The following CYP7B1 variants were observed in gnomAD, a reference collection of about 807,000 sequenced individuals.
The protein encoded by CYP7B1 is cytochrome P450 7B1.
CYP7B1 carries 29 observed loss-of-function variants against 42.7 expected under a neutral mutation model. That is an observed-to-expected ratio of 0.68 (90% CI 0.51 to 0.93). The LOEUF is 0.93. Ranked by LOEUF, CYP7B1 falls within the 40% of genes least tolerant of loss-of-function variation. CYP7B1 has a pLI of 0.00. For missense variants in CYP7B1, 655 were observed against 600.5 expected (o/e 1.09, Z -0.95); for synonymous variants, 235 against 218.2 (o/e 1.08, Z -0.68).
intron 1 of CYP7B1, among the ~76,000 whole-genome samples, chr8:64,717,259 T>G (rs1264921033): frequency 6.6e-6 from 1 of 152,224 alleles, no homozygotes; most frequent in Non-Finnish European, 1.5e-5. Context: ...CATTCTATTT[T>G]TTAACTGCAG....
chr8:64,615,321 A>G (rs1805421541), intron 3 of CYP7B1, 89 bp from the exon 4 acceptor site: 1 of 1,333,066 alleles, frequency 7.5e-7, no homozygotes, highest in African/African-American at 1.5e-5. Flanking sequence ...GTTAGGACAC[A>G]GACCCAGCCA....
intron 2 of CYP7B1, among the ~76,000 whole-genome samples, chr8:64,619,873 G>T (rs951486051): frequency 1.3e-5 from 2 of 152,066 alleles, no homozygotes; most frequent in African/African-American, 4.8e-5. Flanking sequence ...GCTATACAAA[G>T]ATATAGATAT....
At chr8:64,719,684 G>A (rs553892369) in intron 1 of CYP7B1, among the ~76,000 whole-genome samples, 2 of 152,276 alleles carry the variant, frequency 1.3e-5, no homozygotes, top group South Asian at 2.1e-4. Context: ...AACAATAGCC[G>A]CAAGCTTGGA....
chr8:64,771,649 T>C (rs1731881958), intron 1 of CYP7B1, among the ~76,000 whole-genome samples: 2 of 152,340 alleles, frequency 1.3e-5, no homozygotes, highest in South Asian at 4.1e-4. Context: ...CCACCTATTC[T>C]GAGTCCCTCT....
chr8:64,637,459 A>T (rs1370013632), intron 1 of CYP7B1, among the ~76,000 whole-genome samples: 1 of 152,202 alleles, frequency 6.6e-6, no homozygotes, highest in Non-Finnish European at 1.5e-5. Context: ...CAACTGGGAA[A>T]ATAACATTCT....
At chr8:64,683,333 C>T (rs1159208967) in intron 1 of CYP7B1, among the ~76,000 whole-genome samples, 1 of 152,066 alleles carries the variant, frequency 6.6e-6, no homozygotes, top group Admixed American at 6.5e-5. Flanking sequence ...GTGAAATAAG[C>T]CAGGCACAGA....
At chr8:64,661,979 A>G (rs1033001453) in intron 1 of CYP7B1, among the ~76,000 whole-genome samples, 17 of 152,146 alleles carry the variant, frequency 1.1e-4, no homozygotes, top group African/African-American at 4.1e-4. Context: ...ATTCATAAAT[A>G]TCTAATATCT....
At chr8:64,621,591 G>A (rs78534960) in intron 2 of CYP7B1, among the ~76,000 whole-genome samples, 11,163 of 152,196 alleles carry the variant, frequency 0.073, 448 homozygotes, top group Non-Finnish European at 0.089. Context: ...AGCACAAGGC[G>A]AGCAGCAGCA....
At chr8:64,626,261 GA>G (rs1046214353) in intron 1 of CYP7B1, among the ~76,000 whole-genome samples, 2 of 151,776 alleles carry the variant, frequency 1.3e-5, no homozygotes, top group Admixed American at 6.6e-5. Flanking sequence ...TGGACCTAGG[GA>G]AAAAAAACCA....
chr8:64,750,679 A>G (rs549140689), intron 1 of CYP7B1, among the ~76,000 whole-genome samples: 112 of 152,212 alleles, frequency 7.4e-4, no homozygotes, highest in African/African-American at 2.6e-3. Context: ...TATCAAGGGG[A>G]AATGTGAAGA....
In CYP7B1 at chr8:64,604,723, G is replaced by C. The variant is rs1805251337; in HGVS notation, c.1192C>G (p.Pro398Ala). ...ATTTCAGGGTCACCATGTAGGACTG[G>C]AGGAAAGATGGCTACCAAGTCTCCC... ...RKGDLVAIFP[P>A]VLHGDPEIFE... The change falls in exon 5 of 6, where the codon CCA becomes GCA. Residue 398 changes from proline to alanine, a missense_variant. Transcript: ENST00000310193. 6.2e-7 allele frequency: 1 copy of C among 1,614,154 alleles called. No homozygotes were observed. Among genetic ancestry groups the C allele is most frequent in the Non-Finnish European group, 8.5e-7 (1 of 1,180,026 alleles).
chr8:64,746,693 A>G (rs149736642), intron 1 of CYP7B1, among the ~76,000 whole-genome samples: 1 of 152,280 alleles, frequency 6.6e-6, no homozygotes, highest in African/African-American at 2.4e-5. Context: ...ACGTGTTATA[A>G]TTGTTATAAT....
chr8:64,606,820 T>C (rs1805290113), intron 4 of CYP7B1, among the ~76,000 whole-genome samples: 1 of 152,178 alleles, frequency 6.6e-6, no homozygotes, highest in African/African-American at 2.4e-5. Context: ...TGCGTTATTA[T>C]CAACAATGGA....
intron 1 of CYP7B1, among the ~76,000 whole-genome samples, chr8:64,754,600 G>T (rs1231696967): frequency 6.6e-6 from 1 of 152,140 alleles, no homozygotes; most frequent in Non-Finnish European, 1.5e-5. Context: ...GGGAGGGAGG[G>T]AGGCCTGGAG....
intron 1 of CYP7B1, among the ~76,000 whole-genome samples, chr8:64,683,007 C>G (rs572137605): frequency 6.6e-6 from 1 of 152,182 alleles, no homozygotes; most frequent in Non-Finnish European, 1.5e-5. Context: ...TCACAACCCA[C>G]GTATAACATC....
chr8:64,760,818 C>T (rs1236868345), intron 1 of CYP7B1, among the ~76,000 whole-genome samples: 2 of 151,988 alleles, frequency 1.3e-5, no homozygotes, highest in African/African-American at 4.8e-5. Context: ...AAAAATAGAG[C>T]TACCATATGA....
intron 1 of CYP7B1, among the ~76,000 whole-genome samples, chr8:64,676,258 G>C (rs1806444279): frequency 6.6e-6 from 1 of 152,022 alleles, no homozygotes. Flanking sequence ...TATAATTATT[G>C]AATTGGACAA....
chr8:64,703,910 T>C (rs1806954605), intron 1 of CYP7B1: 1 of 152,092 alleles, frequency 6.6e-6, no homozygotes, highest in Admixed American at 6.6e-5. Flanking sequence ...TCAAAGTTGT[T>C]TTCTCAAGTG....
chr8:64,643,771 C>A (rs754107701), intron 1 of CYP7B1, among the ~76,000 whole-genome samples: 12 of 152,164 alleles, frequency 7.9e-5, no homozygotes, highest in Non-Finnish European at 1.6e-4. Context: ...ACAATGTTCA[C>A]AGCATCCTCA....
Sources: gnomAD v4.1 joint callset for allele counts (sites outside exome capture counted in the v4.1 genomes callset) on GRCh38, gnomAD v4.1.1 for gene constraint, MANE v1.5 for transcripts, NCBI Gene and HGNC (gene_info 2026-07-23, HGNC 2026-07-21) for gene names.